WDPCP: variants seen among roughly 807,000 people sequenced by gnomAD.
The protein encoded by WDPCP is WD repeat containing planar cell polarity effector.
Under a neutral mutation model 93.1 loss-of-function variants are expected in WDPCP, and 71 were observed. The observed-to-expected ratio is 0.76, with a 90% CI of 0.63 to 0.93. WDPCP has a LOEUF of 0.93. Ranked by LOEUF, WDPCP falls within the 40% of genes least tolerant of loss-of-function variation. The pLI, the probability that WDPCP is intolerant of heterozygous loss-of-function variation, is 0.00. For missense variants in WDPCP, 844 were observed against 887.4 expected (o/e 0.95, Z 0.62); for synonymous variants, 315 against 315.0 (o/e 1.00, Z 0.00).
intron 3 of WDPCP, chr2:63,594,805 A>G (rs557243454): frequency 5.7e-4 from 237 of 418,210 alleles, no homozygotes; most frequent in African/African-American, 3.9e-3. Flanking sequence ...CATATATTGT[A>G]CTCAGTTGAC....
intron 2 of WDPCP, chr2:63,717,211 T>C: frequency 2.0e-6 from 1 of 489,020 alleles, no homozygotes; most frequent in Non-Finnish European, 4.0e-6. Flanking sequence ...CAGTGCTTCC[T>C]CCACGAATTT....
At chr2:63,645,841 C>T (rs551817255) in intron 3 of WDPCP, among the ~76,000 whole-genome samples, 8 of 151,950 alleles carry the variant, frequency 5.3e-5, no homozygotes, top group East Asian at 1.9e-4. Flanking sequence ...TTTTGGTTTC[C>T]GTTAGCATGG....
intron 2 of WDPCP, among the ~76,000 whole-genome samples, chr2:63,651,962 T>C (rs1006305989): frequency 2.6e-5 from 4 of 152,210 alleles, no homozygotes; most frequent in African/African-American, 9.7e-5. Context: ...ATAATAACTT[T>C]CCTCAAGGAT....
chr2:63,481,727 T>A (rs1215013274), intron 6 of WDPCP, among the ~76,000 whole-genome samples: 1 of 151,570 alleles, frequency 6.6e-6, no homozygotes, highest in Non-Finnish European at 1.5e-5. Context: ...CAATGGACTT[T>A]GGGGACTCAC....
intron 12 of WDPCP, among the ~76,000 whole-genome samples, chr2:63,345,615 A>G (rs946138333): frequency 1.3e-5 from 2 of 152,184 alleles, no homozygotes; most frequent in Non-Finnish European, 2.9e-5. Context: ...CAAGTAGAAG[A>G]TCTAATTGTT....
chr2:63,487,092 C>T (rs1700616850), intron 3 of WDPCP, among the ~76,000 whole-genome samples: 1 of 152,020 alleles, frequency 6.6e-6, no homozygotes, highest in Admixed American at 6.6e-5. Flanking sequence ...TCAGAAATGC[C>T]TATTTCAGAT....
At chr2:63,703,119 C>T (rs908823344) in intron 2 of WDPCP, among the ~76,000 whole-genome samples, 4 of 152,110 alleles carry the variant, frequency 2.6e-5, no homozygotes, top group Non-Finnish European at 4.4e-5. Flanking sequence ...TCCAGTCTAT[C>T]ATTGTTGGAC....
chr2:63,601,049 A>G (rs967323308), intron 3 of WDPCP, among the ~76,000 whole-genome samples: 2 of 152,230 alleles, frequency 1.3e-5, no homozygotes, highest in African/African-American at 2.4e-5. Flanking sequence ...TTCTCACTGC[A>G]GGGCTCAAGT....
chr2:63,268,053 G>A (rs1682296653), intron 13 of WDPCP, among the ~76,000 whole-genome samples: 1 of 152,158 alleles, frequency 6.6e-6, no homozygotes, highest in African/African-American at 2.4e-5. Context: ...CAATAGCCAA[G>A]TTATGGAGCA....
At chr2:63,333,091 T>C (rs1558482316) in intron 12 of WDPCP, among the ~76,000 whole-genome samples, 1 of 152,172 alleles carries the variant, frequency 6.6e-6, no homozygotes, top group Non-Finnish European at 1.5e-5. Context: ...TATCCGATTG[T>C]TTTAGCACCA....
At chr2:63,447,297 G>A (rs1042006595) in intron 6 of WDPCP, among the ~76,000 whole-genome samples, 1 of 152,066 alleles carries the variant, frequency 6.6e-6, no homozygotes, top group Non-Finnish European at 1.5e-5. Flanking sequence ...TTGGAACCCA[G>A]AGAGCACAAA....
At chr2:63,228,387 C>CTTTTTTTT in intron 14 of WDPCP, 2 of 110,412 alleles carry the variant, frequency 1.8e-5, no homozygotes, top group East Asian at 2.7e-4. Flanking sequence ...TTTTCTTTTT[C>CTTTTTTTT]TTTTTTTTTT....
At chr2:63,580,291 A>G (rs1319841863) in intron 1 of WDPCP, among the ~76,000 whole-genome samples, 1 of 152,194 alleles carries the variant, frequency 6.6e-6, no homozygotes, top group Non-Finnish European at 1.5e-5. Context: ...AAAAATAATC[A>G]ATAAGTGCTA....
At chr2:63,142,780 G>A (rs1671171687) in intron 17 of WDPCP, among the ~76,000 whole-genome samples, 3 of 151,626 alleles carry the variant, frequency 2.0e-5, no homozygotes, top group African/African-American at 7.3e-5. Context: ...AGGTCTATTA[G>A]TAATTGTTAT....
At chr2:63,823,206 A>C (rs1414639577) in intron 1 of WDPCP, among the ~76,000 whole-genome samples, 2 of 151,418 alleles carry the variant, frequency 1.3e-5, no homozygotes, top group African/African-American at 4.8e-5. Flanking sequence ...ACCCAAAAAA[A>C]AAAAAAAACA....
intron 14 of WDPCP, among the ~76,000 whole-genome samples, chr2:63,220,029 A>G (rs1038986009): frequency 6.6e-6 from 1 of 152,130 alleles, no homozygotes; most frequent in Non-Finnish European, 1.5e-5. Context: ...ATAAAAAGGT[A>G]TAGTAAAAAC....
intron 1 of WDPCP, among the ~76,000 whole-genome samples, chr2:63,575,469 A>ACTGTATACACT (rs760952950): frequency 6.1e-5 from 1 of 16,314 alleles, no homozygotes; most frequent in Non-Finnish European, 1.2e-4. Flanking sequence ...GTATATATGC[A>ACTGTATACACT]GTATATACAG....
intron 11 of WDPCP, 83 bp downstream of exon 11, chr2:63,381,822 CA>C: frequency 6.8e-7 from 1 of 1,463,750 alleles, no homozygotes; most frequent in Non-Finnish European, 9.4e-7. Flanking sequence ...TACCATGACT[CA>C]AAAACAACCT....
At chr2:63,838,270 A>G in the WDPCP span, among the ~76,000 whole-genome samples, 1 of 152,242 alleles carries the variant, frequency 6.6e-6, no homozygotes, top group African/African-American at 2.4e-5. Flanking sequence ...AGGACCACAG[A>G]CATGGTTTCC....
Sources: gnomAD v4.1 joint callset for allele counts (sites outside exome capture counted in the v4.1 genomes callset) on GRCh38, gnomAD v4.1.1 for gene constraint, MANE v1.5 for transcripts, NCBI Gene and HGNC (gene_info 2026-07-23, HGNC 2026-07-21) for gene names.